Variants in CD37 observed in about 807,000 individuals in gnomAD.
CD37 encodes leukocyte antigen CD37.
CD37 carries 37 observed loss-of-function variants against 38.9 expected under a neutral mutation model. That is an observed-to-expected ratio of 0.95 (90% CI 0.73 to 1.25). The LOEUF is 1.25. Ranked by LOEUF, CD37 falls within the 50% of genes most tolerant of loss-of-function variation. The pLI is 0.00. For synonymous variants in CD37, 146 were observed against 150.1 expected (o/e 0.97, Z 0.20); for missense variants, 351 against 360.1 (o/e 0.97, Z 0.20).
At position 49,339,257 on chromosome 19, in the gene CD37, C is replaced by T; in HGVS notation, c.685-73C>T. The stretch of plus-strand genomic sequence containing the variant: ...GATGCCTGAAGACGGTGAGGGTTGG[C>T]CTGAAAAGAACGCTGGGCCTGGGCT... On this transcript the variant is annotated intron_variant, in intron 6 of 7. Coordinates refer to ENST00000323906, the MANE Select transcript of CD37 (RefSeq NM_001774.3). This position sits in a 1 kb window ranked among gnomAD's most constrained non-coding sequence, Gnocchi z 4.5. 2 of 1,371,248 alleles carry T rather than the reference C, an allele frequency of 1.5e-6. No homozygotes were observed. The highest frequency in any genetic ancestry group is 1.2e-5 in the South Asian group (1 of 82,284). 84.9% of individuals were successfully genotyped at this position (1,371,248 alleles called of 1,614,324 possible).
At position 49,338,152 on chromosome 19, in the gene CD37, C is replaced by T; in HGVS notation, c.447+123C>T. The T allele has an allele frequency of 4.1e-6, 6 of 1,464,554 alleles. No individual in the cohort carries two copies. The highest frequency in any genetic ancestry group is 5.4e-6 in the Non-Finnish European group (6 of 1,108,832). The allele number at this position is 1,464,554 out of a possible 1,614,324, so 90.7% of individuals were successfully genotyped here. On this transcript the variant is annotated intron_variant, in intron 5 of 7. Coordinates refer to ENST00000323906, the MANE Select transcript of CD37 (RefSeq NM_001774.3). The surrounding 1 kb of genome is among the most constrained non-coding windows in gnomAD (Gnocchi z 5.0). ...CGATCCTAACACACCCCAATCCCTC[C>T]CAGGCCCGACGCTCCCCACTCCCCA...
chr19:49,338,312 C>T lies in CD37; in HGVS notation c.447+283C>T, dbSNP rs1003624244. 7.4e-6 allele frequency: 6 copies of T among 812,872 alleles called. No individual in the cohort carries two copies. Among genetic ancestry groups the T allele is most frequent in the Non-Finnish European group, 1.1e-5 (6 of 543,352 alleles). 50.4% of individuals were successfully genotyped at this position (812,872 alleles called of 1,614,324 possible). A position where few individuals can be genotyped will look rare whatever the true frequency, so the allele number is the denominator to read the frequency against. ...TTGTCAGGCCCCTAGTCCCAAGACC[C>T]TAGCGAGACACGGCTTCCTACCCCG... On this transcript the variant is annotated intron_variant, in intron 5 of 7. Transcript: ENST00000323906. The surrounding 1 kb of genome is among the most constrained non-coding windows in gnomAD (Gnocchi z 5.0).
Position 49,339,327 on chromosome 19 carries a change from C to CT in CD37, c.685-3_685-2insT. On this transcript the variant is annotated splice_region_variant and splice_polypyrimidine_tract_variant and intron_variant, in intron 6 of 7. Transcript: ENST00000323906. This position sits in a 1 kb window ranked among gnomAD's most constrained non-coding sequence, Gnocchi z 4.5. ...CCCTTTAACTTTTCCCTACACCCCCCAGGGCTGCGCGCAGGGCCTCCAGAA... is the reference window on the plus strand; with the variant it reads ...CCCTTTAACTTTTCCCTACACCCCCCTAGGGCTGCGCGCAGGGCCTCCAGAA... 2 of 1,613,704 alleles carry CT rather than the reference C, an allele frequency of 1.2e-6. No individual in the cohort carries two copies. Among genetic ancestry groups the CT allele is most frequent in the Non-Finnish European group, 1.7e-6 (2 of 1,179,678 alleles).
Position 49,338,097 on chromosome 19 carries a change from A to G in CD37, c.447+68A>G. On this transcript the variant is annotated intron_variant, in intron 5 of 7. Transcript: ENST00000323906. The surrounding 1 kb of genome is among the most constrained non-coding windows in gnomAD (Gnocchi z 5.0). ...CAGCCCTGTGCTTGGAGGAGACTCC[A>G]CCCCAACGTGGGCCCGACCCCCAGC... 1 of 1,570,920 alleles carries G rather than the reference A, an allele frequency of 6.4e-7. No homozygotes were observed. Among genetic ancestry groups the G allele is most frequent in the Admixed American group, 1.9e-5 (1 of 52,882 alleles).
chr19:49,335,585 C>T lies in CD37; in HGVS notation c.45C>T (p.Leu15=). ...ESCLSLIKYF[L]FVFNLFFFVL... ...GCCTCAGCCTCATCAAGTACTTCCT[C>T]TTCGTTTTCAACCTCTTCTTCTTCG... Residue 15 remains leucine, a synonymous_variant, in exon 1 of 8, where the codon CTC becomes CTT. Transcript: ENST00000323906. The surrounding 1 kb of genome is among the most constrained non-coding windows in gnomAD (Gnocchi z 4.6). 6.2e-7 allele frequency: 1 copy of T among 1,614,106 alleles called. No individual in the cohort carries two copies. Among genetic ancestry groups the T allele is most frequent in the Non-Finnish European group, 8.5e-7 (1 of 1,179,964 alleles).
chr19:49,339,532 C>A lies in CD37; in HGVS notation c.768+119C>A. On this transcript the variant is annotated intron_variant, in intron 7 of 7. Coordinates refer to ENST00000323906, the MANE Select transcript of CD37 (RefSeq NM_001774.3). This position sits in a 1 kb window ranked among gnomAD's most constrained non-coding sequence, Gnocchi z 4.5. Reference sequence around the variant, plus strand: ...GCTCAGGGCGGAGCGCAGCCCACCCCGGCCCTCCCGCCGCTCCACCCAGCA... The same window carrying A: ...GCTCAGGGCGGAGCGCAGCCCACCCAGGCCCTCCCGCCGCTCCACCCAGCA... The A allele has an allele frequency of 2.0e-5, 30 of 1,471,306 alleles. No individual in the cohort carries two copies. The highest frequency in any genetic ancestry group is 2.7e-5 in the Non-Finnish European group (30 of 1,092,532). The allele number at this position is 1,471,306 out of a possible 1,614,324, so 91.1% of individuals were successfully genotyped here. A position where few individuals can be genotyped will look rare whatever the true frequency, so the allele number is the denominator to read the frequency against.
chr19:49,336,039 C>T (rs1234213377), intron 2 of CD37: 3 of 534,814 alleles, frequency 5.6e-6, no homozygotes, highest in South Asian at 5.2e-5. Context: ...GGTCAGATGC[C>T]CCCACAAACC....
rs2146218834 is a variant in CD37 at position 49,338,915 on chromosome 19, A to G, written c.663A>G (p.Ala221=). ...RHSADICAVP[A]ESHIYREGCA... Reference sequence around the variant, plus strand: ...GTGCAGACATCTGCGCTGTCCCTGCAGAGAGCCACATCTACCGCGAGGTGG... The same window carrying G: ...GTGCAGACATCTGCGCTGTCCCTGCGGAGAGCCACATCTACCGCGAGGTGG... The change falls in exon 6 of 8, where the codon GCA becomes GCG. Residue 221 remains alanine (A), a synonymous_variant. Transcript: ENST00000323906. The surrounding 1 kb of genome is among the most constrained non-coding windows in gnomAD (Gnocchi z 5.0). 1 of 1,613,764 alleles carries G rather than the reference A, an allele frequency of 6.2e-7. No homozygotes were observed. The highest frequency in any genetic ancestry group is 8.5e-7 in the Non-Finnish European group (1 of 1,179,774).
chr19:49,338,691 C>G lies in CD37; in HGVS notation c.448-9C>G. The stretch of plus-strand genomic sequence containing the variant: ...GTCCCGGTCCCTCTGACTCGTATCC[C>G]TCTCCCAGCTGCGCTGCTGCGGCTG... On this transcript the variant is annotated splice_polypyrimidine_tract_variant and intron_variant, in intron 5 of 7. Coordinates refer to ENST00000323906, the MANE Select transcript of CD37 (RefSeq NM_001774.3). This position sits in a 1 kb window ranked among gnomAD's most constrained non-coding sequence, Gnocchi z 5.0. 3 of 1,601,900 alleles carry G rather than the reference C, an allele frequency of 1.9e-6. No individual in the cohort carries two copies. Among genetic ancestry groups the G allele is most frequent in the South Asian group, 1.1e-5 (1 of 90,936 alleles).
intron 7 of CD37, 69 bp from the exon 8 acceptor site, chr19:49,340,182 C>A (rs554442277): frequency 3.3e-6 from 5 of 1,520,066 alleles, no homozygotes; most frequent in Non-Finnish European, 4.5e-6. Context: ...CTTTCTCGCC[C>A]GGGTGGGCAT....
chr19:49,337,888 G>A, intron 4 of CD37, 37 bp from the exon 5 acceptor site: 1 of 1,612,790 alleles, frequency 6.2e-7, no homozygotes, highest in Non-Finnish European at 8.5e-7. Flanking sequence ...GGGTGGGGCG[G>A]GGAAGATAAG....
rs1971005414 is a variant in CD37, at chr19:49,337,608, C to CA, written c.343-311dup. The CA allele has an allele frequency of 2.1e-6, 3 of 1,454,546 alleles. No individual in the cohort carries two copies. In the African/African-American group the frequency reaches 4.3e-5, roughly 21 times the overall value. The allele number at this position is 1,454,546 out of a possible 1,614,324, so 90.1% of individuals were successfully genotyped here. On this transcript the variant is annotated intron_variant, in intron 4 of 7. Transcript: ENST00000323906. ...TGGGTGACAGAGTGAGACCCTGTCT[C>CA]AAAAAATAAATTAATAGAAAGACAC...
chr19:49,337,915 G>A lies in CD37; in HGVS notation c.343-10G>A. ...GAAGATAAGGCCCAGCCTCACTGGTGGCCTCTCAGCTGGAGCGAAGCTTGC... is the reference window on the plus strand; with the variant it reads ...GAAGATAAGGCCCAGCCTCACTGGTAGCCTCTCAGCTGGAGCGAAGCTTGC... On this transcript the variant is annotated splice_polypyrimidine_tract_variant and intron_variant, in intron 4 of 7. Transcript: ENST00000323906. 6.2e-7 allele frequency: 1 copy of A among 1,613,968 alleles called. No individual in the cohort carries two copies. The highest frequency in any genetic ancestry group is 8.5e-7 in the Non-Finnish European group (1 of 1,179,956).
At position 49,338,324 on chromosome 19, in the gene CD37, G is replaced by T. The variant is rs1031137542; in HGVS notation, c.447+295G>T. ...TAGTCCCAAGACCCTAGCGAGACACGGCTTCCTACCCCGTAGTGACTCTGG... is the reference window on the plus strand; with the variant it reads ...TAGTCCCAAGACCCTAGCGAGACACTGCTTCCTACCCCGTAGTGACTCTGG... On this transcript the variant is annotated intron_variant, in intron 5 of 7. Transcript: ENST00000323906. This position sits in a 1 kb window ranked among gnomAD's most constrained non-coding sequence, Gnocchi z 5.0. 4.7e-6 allele frequency: 3 copies of T among 644,316 alleles called. No individual in the cohort carries two copies. Among genetic ancestry groups the T allele is most frequent in the Non-Finnish European group, 7.2e-6 (3 of 418,082 alleles). 39.9% of individuals were successfully genotyped at this position (644,316 alleles called of 1,614,324 possible).
rs947073263 is a variant in CD37, at chr19:49,339,801, G to A, written c.768+388G>A. 3.0e-6 allele frequency: 4 copies of A among 1,355,840 alleles called. No homozygotes were observed. In the African/African-American group the frequency reaches 5.9e-5, roughly 20 times the overall value. 84.0% of individuals were successfully genotyped at this position (1,355,840 alleles called of 1,614,324 possible). The stretch of plus-strand genomic sequence containing the variant: ...GCGGCGGGCACAGCGGCAGTCTGTG[G>A]GGTGGCTGGGGCATGGCGGGTGCCT... On this transcript the variant is annotated intron_variant, in intron 7 of 7. Coordinates refer to ENST00000323906, the MANE Select transcript of CD37 (RefSeq NM_001774.3). The surrounding 1 kb of genome is among the most constrained non-coding windows in gnomAD (Gnocchi z 4.5).
chr19:49,339,877 G>A lies in CD37; in HGVS notation c.769-374G>A. The A allele has an allele frequency of 1.5e-6, 2 of 1,342,780 alleles. No homozygotes were observed. Among genetic ancestry groups the A allele is most frequent in the African/African-American group, 1.5e-5 (1 of 67,828 alleles). 83.2% of individuals were successfully genotyped at this position (1,342,780 alleles called of 1,614,324 possible). On this transcript the variant is annotated intron_variant, in intron 7 of 7. Coordinates refer to ENST00000323906, the MANE Select transcript of CD37 (RefSeq NM_001774.3). The surrounding 1 kb of genome is among the most constrained non-coding windows in gnomAD (Gnocchi z 4.5). ...GCAGGGCAAGCTGCCCATGGCCCTG[G>A]GGCTCTGGCCGCTGTGGGTTCAAGA...
At chr19:49,340,123 A>G (rs1361107145) in intron 7 of CD37, 128 bp from the exon 8 acceptor site, 1 of 1,521,662 alleles carries the variant, frequency 6.6e-7, no homozygotes, top group Non-Finnish European at 8.9e-7. Flanking sequence ...TTTTCTACCT[A>G]TCCCCTTCTC....
At position 49,339,637 on chromosome 19, in the gene CD37, C is replaced by A; in HGVS notation, c.768+224C>A. On this transcript the variant is annotated intron_variant, in intron 7 of 7. Coordinates refer to ENST00000323906, the MANE Select transcript of CD37 (RefSeq NM_001774.3). The surrounding 1 kb of genome is among the most constrained non-coding windows in gnomAD (Gnocchi z 4.5). The stretch of plus-strand genomic sequence containing the variant: ...AAAGCCTCCTGCTATTGGCTGCGAT[C>A]TCCCTCCCCTTTCTCCGCAGATGAC... 1 of 1,430,706 alleles carries A rather than the reference C, an allele frequency of 7.0e-7. No individual in the cohort carries two copies. The highest frequency in any genetic ancestry group is 1.5e-5 in the South Asian group (1 of 66,922). 88.6% of individuals were successfully genotyped at this position (1,430,706 alleles called of 1,614,324 possible). A position where few individuals can be genotyped will look rare whatever the true frequency, so the allele number is the denominator to read the frequency against.
rs202208108 is a variant in CD37, at chr19:49,337,906, C to T, written c.343-19C>T. 153 of 1,613,696 alleles carry T rather than the reference C, an allele frequency of 9.5e-5. No individual in the cohort carries two copies. Among genetic ancestry groups the T allele is most frequent in the Non-Finnish European group, 1.2e-4 (141 of 1,179,898 alleles). On this transcript the variant is annotated intron_variant, in intron 4 of 7. Transcript: ENST00000323906. ...TGGGGCGGGGAAGATAAGGCCCAGC[C>T]TCACTGGTGGCCTCTCAGCTGGAGC...
Sources: gnomAD v4.1 joint callset for allele counts on GRCh38, gnomAD v4.1.1 for gene constraint, Gnocchi (gnomAD v3.1) non-coding constraint, MANE v1.5 for transcripts, NCBI Gene and HGNC (gene_info 2026-07-23, HGNC 2026-07-21) for gene names.